Variants in ITPRID1 observed in about 807,000 individuals in gnomAD.
The protein encoded by ITPRID1 is protein ITPRID1.
Under a neutral mutation model 95.4 loss-of-function variants are expected in ITPRID1, and 96 were observed. That is an observed-to-expected ratio of 1.01 (90% CI 0.85 to 1.19). The LOEUF is 1.19. ITPRID1 is among the 50% of genes most tolerant of loss of function. The probability of loss-of-function intolerance (pLI) is 0.00; values close to 1 mark genes in which losing one functional copy is unlikely to be tolerated. For missense variants in ITPRID1, 1,339 were observed against 1,252.9 expected, an observed-to-expected ratio of 1.07 and a Z score of -1.04; for synonymous variants, 510 against 453.6, an observed-to-expected ratio of 1.12 and a Z score of -1.58.
In ITPRID1 at chr7:31,566,062, C is replaced by T. The variant is rs969561261; in HGVS notation, c.257-3696C>T. On this transcript the variant is annotated intron_variant, in intron 5 of 14. Transcript: ENST00000615280. Reference sequence around the variant, plus strand: ...TGGCTCCCTAGCAATCAGATTGCTCCTGATCAAGTGACAGGACACAGGGCG... The same window carrying T: ...TGGCTCCCTAGCAATCAGATTGCTCTTGATCAAGTGACAGGACACAGGGCG... Among the ~76,000 whole-genome samples the T allele has an allele frequency of 6.3e-4, 96 of 152,186 alleles. 1 individual carries two copies. The highest frequency in any genetic ancestry group is 2.9e-4 in the Non-Finnish European group (20 of 68,020).
At chr7:31,581,919 A>C (rs1041463479) in intron 9 of ITPRID1, among the ~76,000 whole-genome samples, 2 of 152,228 alleles carry the variant, frequency 1.3e-5, no homozygotes, top group African/African-American at 2.4e-5. Flanking sequence ...ATTTGAAAAA[A>C]AAAGATGTGA....
intron 2 of ITPRID1, among the ~76,000 whole-genome samples, chr7:31,552,381 T>A (rs142361013): frequency 1.8e-5 from 2 of 109,402 alleles, no homozygotes; most frequent in Admixed American, 9.2e-5. Flanking sequence ...ACAATTATAT[T>A]ACTTCCTTCA....
chr7:31,516,741 T>C (rs1202112132), intron 1 of ITPRID1, among the ~76,000 whole-genome samples: 1 of 152,312 alleles, frequency 6.6e-6, no homozygotes, highest in African/African-American at 2.4e-5. Context: ...ACCTCCAAAG[T>C]AGTGACTTCT....
chr7:31,517,230 C>T (rs1783073203), intron 1 of ITPRID1: 1 of 152,066 alleles, frequency 6.6e-6, no homozygotes, highest in Non-Finnish European at 1.5e-5. Flanking sequence ...GTCCATTTTA[C>T]AGAGAGCTGA....
Position 31,552,946 on chromosome 7 carries a change from C to G in ITPRID1, c.-23-56C>G. 2.6e-6 allele frequency: 4 copies of G among 1,510,676 alleles called. No individual in the cohort carries two copies. The South Asian group carries it at 5.1e-5, about 19-fold the overall frequency. 93.6% of individuals were successfully genotyped at this position (1,510,676 alleles called of 1,614,324 possible). On this transcript the variant is annotated intron_variant, in intron 2 of 14. Coordinates refer to ENST00000615280, the MANE Select transcript of ITPRID1 (RefSeq NM_001257967.3). ...GCCTTCTTTCTCCCTTTCACTGAGC[C>G]AAGCCCAGAAGCTGAACTCATCGTG...
At chr7:31,565,399 G>C (rs561080290) in intron 5 of ITPRID1, among the ~76,000 whole-genome samples, 4 of 152,258 alleles carry the variant, frequency 2.6e-5, no homozygotes, top group Admixed American at 2.0e-4. Flanking sequence ...TGAATGTACT[G>C]TCTTTAGACA....
chr7:31,649,848 C>T (rs1429559951), intron 12 of ITPRID1, among the ~76,000 whole-genome samples: 1 of 152,062 alleles, frequency 6.6e-6, no homozygotes, highest in Non-Finnish European at 1.5e-5. Flanking sequence ...TTAGTTAAAG[C>T]CATGAAAACA....
At chr7:31,577,021 G>A (rs1785209043) in intron 8 of ITPRID1, among the ~76,000 whole-genome samples, 1 of 151,718 alleles carries the variant, frequency 6.6e-6, no homozygotes, top group Non-Finnish European at 1.5e-5. Context: ...CTTGCATATG[G>A]CCCAAATGAT....
chr7:31,635,571 C>G (rs1789407093), intron 10 of ITPRID1, among the ~76,000 whole-genome samples: 1 of 152,182 alleles, frequency 6.6e-6, no homozygotes, highest in African/African-American at 2.4e-5. Context: ...AGTTATATCA[C>G]AAGTATACCT....
chr7:31,529,667 C>G, intron 1 of ITPRID1: 1 of 995,864 alleles, frequency 1.0e-6, no homozygotes, highest in Admixed American at 2.3e-5. Context: ...CAGACAGAAA[C>G]TTGGGTCATA....
chr7:31,562,995 A>G (rs1229123186), intron 5 of ITPRID1, among the ~76,000 whole-genome samples: 1 of 152,180 alleles, frequency 6.6e-6, no homozygotes, highest in Non-Finnish European at 1.5e-5. Flanking sequence ...TAGGGATATC[A>G]TCCATTTCAC....
chr7:31,608,493 A>C (rs1786723952), intron 10 of ITPRID1, among the ~76,000 whole-genome samples: 1 of 151,848 alleles, frequency 6.6e-6, no homozygotes, highest in African/African-American at 2.4e-5. Flanking sequence ...GATTCACAAC[A>C]TGGGATATCT....
chr7:31,516,630 T>TA (rs60234451), intron 1 of ITPRID1, among the ~76,000 whole-genome samples: 17 of 150,832 alleles, frequency 1.1e-4, no homozygotes, highest in South Asian at 2.1e-4. Context: ...CTTATAAACT[T>TA]AAAAAAAAAA....
intron 1 of ITPRID1, among the ~76,000 whole-genome samples, chr7:31,539,826 G>C (rs997760781): frequency 6.6e-6 from 1 of 152,000 alleles, no homozygotes; most frequent in Non-Finnish European, 1.5e-5. Context: ...GAATGTCTCT[G>C]GTTGAAGGGG....
At chr7:31,582,074 C>T (rs1159783508) in intron 9 of ITPRID1, among the ~76,000 whole-genome samples, 1 of 152,188 alleles carries the variant, frequency 6.6e-6, no homozygotes, top group Non-Finnish European at 1.5e-5. Flanking sequence ...ATTCAGCTTT[C>T]TGTACTCAAA....
At chr7:31,526,260 C>T (rs1420580859) in intron 1 of ITPRID1, among the ~76,000 whole-genome samples, 1 of 152,206 alleles carries the variant, frequency 6.6e-6, no homozygotes, top group African/African-American at 2.4e-5. Flanking sequence ...CAGCTGGTCT[C>T]TGACATATGA....
chr7:31,577,423 G>A (rs1785224866), intron 8 of ITPRID1, among the ~76,000 whole-genome samples: 1 of 152,174 alleles, frequency 6.6e-6, no homozygotes, highest in African/African-American at 2.4e-5. Context: ...ACTATCAGGT[G>A]ACAGTATGGA....
rs917623132 is a variant in ITPRID1, at chr7:31,653,814, A to C, written c.*985A>C. 5 of 152,224 alleles carry C rather than the reference A, an allele frequency of 3.3e-5. No individual in the cohort carries two copies. Among genetic ancestry groups the C allele is most frequent in the African/African-American group, 1.2e-4 (5 of 41,454 alleles). The allele number at this position is 152,224 out of a possible 1,614,324, so 9.4% of individuals were successfully genotyped here. On this transcript the variant is annotated 3_prime_UTR_variant, in exon 15 of 15. Transcript: ENST00000615280. ...TGAAGGAAATAACAGGTTTTGTGAA[A>C]GAGAACACAGAAGGGAATCCGATTT...
At chr7:31,657,040 T>TACAC (rs374612500), downstream of ITPRID1, among the ~76,000 whole-genome samples, 1 of 147,258 alleles carries the variant, frequency 6.8e-6, no homozygotes, top group African/African-American at 2.5e-5. Flanking sequence ...TGTATGTGTA[T>TACAC]ACACACACAC....
Sources: allele counts gnomAD v4.1 joint callset (sites outside exome capture counted in the v4.1 genomes callset), GRCh38; gene constraint gnomAD v4.1.1; transcripts MANE v1.5; gene names NCBI Gene and HGNC (gene_info 2026-07-23, HGNC 2026-07-21).